The following POC1A variants were observed in gnomAD, a reference collection of about 807,000 sequenced individuals.
POC1A encodes the protein POC1 centriolar protein A.
POC1A carries 34 observed loss-of-function variants against 47.8 expected under a neutral mutation model. That is an observed-to-expected ratio of 0.71 (90% CI 0.54 to 0.95). The LOEUF is 0.95. Among genes scored for constraint, POC1A ranks in the 40% least tolerant of loss-of-function variants. The pLI, the probability that POC1A is intolerant of heterozygous loss-of-function variation, is 0.00. For missense variants in POC1A, 466 were observed against 528.3 expected, an observed-to-expected ratio of 0.88 and a Z score of 1.16; for synonymous variants, 177 against 207.6, an observed-to-expected ratio of 0.85 and a Z score of 1.27.
chr3:52,154,361 G>A lies in POC1A; in HGVS notation c.12C>T (p.Pro4=), dbSNP rs1391892559. ...TGCTCTCGGCTGGGCTTACCGCGCA[G>A]GGCGCAGCCATGGCGGGGCTGGCGG... MAA[P]CAEDPSLERH... The change falls in exon 1 of 11, where the codon CCC becomes CCT. Residue 4 remains proline (P), a synonymous_variant. Coordinates refer to ENST00000296484, the MANE Select transcript of POC1A (RefSeq NM_015426.5). 4 of 1,537,640 alleles carry A rather than the reference G, an allele frequency of 2.6e-6. No homozygotes were observed. Among genetic ancestry groups the A allele is most frequent in the East Asian group, 5.3e-5 (2 of 37,570 alleles).
intron 7 of POC1A, among the ~76,000 whole-genome samples, chr3:52,127,833 T>C (rs942369564): frequency 1.3e-5 from 2 of 151,910 alleles, no homozygotes; most frequent in Non-Finnish European, 2.9e-5. Context: ...GTAGCTGAGG[T>C]TGCAGGCACC....
chr3:52,099,018 A>G (rs1453456291), intron 9 of POC1A, among the ~76,000 whole-genome samples: 1 of 152,228 alleles, frequency 6.6e-6, no homozygotes, highest in Non-Finnish European at 1.5e-5. Context: ...AGCCTCTGGC[A>G]GGTGACATTG....
rs956017856 is a variant in POC1A at position 52,110,406 on chromosome 3, T to G, written c.981+11973A>C. ...CAACAACACTAGGAGCAGTGAATGG[T>G]GGCCCCAAAAATCAGTCAGACTTAA... On this transcript the variant is annotated intron_variant, in intron 9 of 10. Transcript: ENST00000296484. Among the ~76,000 whole-genome samples, 47 of 152,190 alleles carry G rather than the reference T, an allele frequency of 3.1e-4. 1 individual carries two copies. The highest frequency in any genetic ancestry group is 2.9e-3 in the Admixed American group (45 of 15,282).
chr3:52,136,889 G>T lies in POC1A; in HGVS notation c.813+1280C>A, dbSNP rs1014292629. ...GTTTAAAGAACACTCACAAAAAGAG[G>T]TGATCACTTGATAGGCATCTGTTTC... On this transcript the variant is annotated intron_variant, in intron 7 of 10. Coordinates refer to ENST00000296484, the MANE Select transcript of POC1A (RefSeq NM_015426.5). Among the ~76,000 whole-genome samples, 3 of 152,334 alleles carry T rather than the reference G, an allele frequency of 2.0e-5. No individual in the cohort carries two copies. The South Asian group carries it at 6.2e-4, about 32-fold the overall frequency.
At position 52,087,094 on chromosome 3, in the gene POC1A, G is replaced by A. The variant is rs550362788; in HGVS notation, c.1125+9475C>T. ...ACCTGGTGAGCTTGAAGGGATAGAGGGAGAGTGGGGCGGGCAGTAGGAGGG... is the reference window on the plus strand; with the variant it reads ...ACCTGGTGAGCTTGAAGGGATAGAGAGAGAGTGGGGCGGGCAGTAGGAGGG... On this transcript the variant is annotated intron_variant, in intron 10 of 10. Coordinates refer to ENST00000296484, the MANE Select transcript of POC1A (RefSeq NM_015426.5). Among the ~76,000 whole-genome samples the A allele has an allele frequency of 2.6e-5, 4 of 152,346 alleles. No individual in the cohort carries two copies. The South Asian group carries it at 8.3e-4, about 32-fold the overall frequency.
chr3:52,101,216 A>C (rs950904925), intron 9 of POC1A, among the ~76,000 whole-genome samples: 1 of 152,096 alleles, frequency 6.6e-6, no homozygotes, highest in African/African-American at 2.4e-5. Flanking sequence ...GGCTGGCTGA[A>C]AGGTGAGAGT....
At chr3:52,128,573 G>C (rs1160471993) in intron 7 of POC1A, among the ~76,000 whole-genome samples, 1 of 152,190 alleles carries the variant, frequency 6.6e-6, no homozygotes, top group Admixed American at 6.5e-5. Context: ...ACAGCACAGA[G>C]AACACCTGGG....
Position 52,108,920 on chromosome 3 carries a change from T to G in POC1A, c.982-12208A>C, listed in dbSNP as rs78743323. On this transcript the variant is annotated intron_variant, in intron 9 of 10. Coordinates refer to ENST00000296484, the MANE Select transcript of POC1A (RefSeq NM_015426.5). ...CCCCCAGCGGATGCCTGGCCCAAGA[T>G]AGCTGGCAGTAGCTAGCCCACCTGT... Among the ~76,000 whole-genome samples the G allele has an allele frequency of 1.3e-4, 20 of 152,288 alleles. No individual in the cohort carries two copies. The East Asian group carries it at 3.9e-3, about 29-fold the overall frequency.
At position 52,149,358 on chromosome 3, in the gene POC1A, T is replaced by C. The variant is rs777019311; in HGVS notation, c.307A>G (p.Thr103Ala). The C allele has an allele frequency of 3.1e-6, 5 of 1,614,156 alleles. No individual in the cohort carries two copies. In the South Asian group the frequency reaches 4.4e-5, roughly 14 times the overall value. ...AAGTGGACACTCCTCACTGTGGCTG[T>C]GTGTGCACGAAACACAGTGGACTCA... is the stretch of plus-strand genomic sequence containing the variant. ...KGESTVFRAH[T>A]ATVRSVHFCS... The change falls in exon 4 of 11, where the codon ACA becomes GCA. Residue 103 changes from threonine (T) to alanine (A), a missense_variant. Thr to Ala is a moderately conservative substitution (Grantham distance 58). Transcript: ENST00000296484.
chr3:52,076,216 G>T (rs1029719167), intron 10 of POC1A, among the ~76,000 whole-genome samples: 1 of 152,200 alleles, frequency 6.6e-6, no homozygotes, highest in African/African-American at 2.4e-5. Context: ...TTTGTGGGCA[G>T]GGGGTGGGGA....
intron 9 of POC1A, among the ~76,000 whole-genome samples, chr3:52,112,246 T>G (rs1456182179): frequency 6.6e-6 from 1 of 152,186 alleles, no homozygotes; most frequent in Non-Finnish European, 1.5e-5. Context: ...CTTGAACTCC[T>G]GGGCTCATGC....
intron 6 of POC1A, among the ~76,000 whole-genome samples, chr3:52,138,517 G>A (rs193201951): frequency 6.6e-6 from 1 of 152,272 alleles, no homozygotes; most frequent in East Asian, 1.9e-4. Context: ...CAGAGCCAAG[G>A]GCAGGCAGTG....
chr3:52,095,003 A>C (rs570513742), intron 10 of POC1A, among the ~76,000 whole-genome samples: 1 of 152,344 alleles, frequency 6.6e-6, no homozygotes, highest in Admixed American at 6.5e-5. Flanking sequence ...CAGTGACAGG[A>C]AATGTTTTTA....
Position 52,079,625 on chromosome 3 carries a change from A to C in POC1A, c.1126-3640T>G, listed in dbSNP as rs1702222985. Among the ~76,000 whole-genome samples the C allele has an allele frequency of 6.6e-6, 1 of 152,238 alleles. No individual in the cohort carries two copies. Among genetic ancestry groups the C allele is most frequent in the South Asian group, 2.1e-4 (1 of 4,836 alleles). ...CCTCAGAAGGTCCCCAAAGAGGTAC[A>C]GGCTGTGTCAGGTGCCAGGTGTCAA... is the stretch of plus-strand genomic sequence containing the variant. On this transcript the variant is annotated intron_variant, in intron 10 of 10. Coordinates refer to ENST00000296484, the MANE Select transcript of POC1A (RefSeq NM_015426.5). This position sits in a 1 kb window ranked among gnomAD's most constrained non-coding sequence, Gnocchi z 4.6.
chr3:52,149,123 A>G, intron 4 of POC1A, 87 bp downstream of exon 4: 1 of 1,114,568 alleles, frequency 9.0e-7, no homozygotes, highest in East Asian at 2.4e-5. Flanking sequence ...AACTTGCCCG[A>G]GGTCATAAGT....
intron 4 of POC1A, among the ~76,000 whole-genome samples, chr3:52,147,540 C>T (rs1041149005): frequency 2.0e-5 from 3 of 151,858 alleles, no homozygotes; most frequent in African/African-American, 7.3e-5. Flanking sequence ...CTCAAGAGAT[C>T]CTCCCACCTA....
rs181920896 is a variant in POC1A, at chr3:52,089,684, G to A, written c.1125+6885C>T. On this transcript the variant is annotated intron_variant, in intron 10 of 10. Coordinates refer to ENST00000296484, the MANE Select transcript of POC1A (RefSeq NM_015426.5). ...CGCCCTCCTGGGATCATGGGAAGAC[G>A]CACTGGGTGACTTTCACTCTATACC... Among the ~76,000 whole-genome samples, 42 of 152,324 alleles carry A rather than the reference G, an allele frequency of 2.8e-4. 1 individual carries two copies. The highest frequency in any genetic ancestry group is 7.4e-5 in the Non-Finnish European group (5 of 68,022).
intron 7 of POC1A, among the ~76,000 whole-genome samples, chr3:52,129,711 C>A (rs1421607041): frequency 2.0e-5 from 3 of 152,230 alleles, no homozygotes; most frequent in Non-Finnish European, 4.4e-5. Context: ...CAGGCAGAAT[C>A]TTCAGGGAGA....
chr3:52,133,964 T>C (rs1704336652), intron 7 of POC1A, among the ~76,000 whole-genome samples: 1 of 152,144 alleles, frequency 6.6e-6, no homozygotes, highest in Non-Finnish European at 1.5e-5. Flanking sequence ...CTCTCGCAGC[T>C]CTCCCAAGCC....
Sources: gnomAD v4.1 joint callset for allele counts (sites outside exome capture counted in the v4.1 genomes callset) on GRCh38, gnomAD v4.1.1 for gene constraint, Gnocchi (gnomAD v3.1) non-coding constraint, MANE v1.5 for transcripts, NCBI Gene and HGNC (gene_info 2026-07-23, HGNC 2026-07-21) for gene names.